CHD1L: variants seen among roughly 807,000 people sequenced by gnomAD.
The protein encoded by CHD1L is ATP-dependent chromatin remodeler CHD1L.
In CHD1L, 118 loss-of-function variants were observed where a neutral mutation model predicts 115.9. The ratio of observed to expected loss-of-function variants is 1.02; its 90% CI spans 0.88 to 1.19. The LOEUF (loss-of-function observed/expected upper bound fraction) is 1.19, where lower values mean the gene tolerates loss of function less well. CHD1L is among the 50% of genes most tolerant of loss of function. The probability of loss-of-function intolerance (pLI) is 0.00; values close to 1 mark genes in which losing one functional copy is unlikely to be tolerated. For synonymous variants in CHD1L, 411 were observed against 387.1 expected (o/e 1.06, Z -0.72); for missense variants, 1,179 against 1,065.3 (o/e 1.11, Z -1.49).
At chr1:147,228,977 G>T in the CHD1L span, among the ~76,000 whole-genome samples, 1 of 152,106 alleles carries the variant, frequency 6.6e-6, no homozygotes, top group African/African-American at 2.4e-5. Context: ...CACTCTGATG[G>T]TAGTTTCTTT....
chr1:147,191,405 G>A, the CHD1L span, among the ~76,000 whole-genome samples: 189 of 152,186 alleles, frequency 1.2e-3, no homozygotes, highest in African/African-American at 4.5e-3. Context: ...ATCCCATTGT[G>A]GTTTTGATTT....
chr1:147,228,476 G>A, the CHD1L span, among the ~76,000 whole-genome samples: 1 of 152,274 alleles, frequency 6.6e-6, no homozygotes, highest in African/African-American at 2.4e-5. Flanking sequence ...ACTTACATGT[G>A]TATATGTCTT....
chr1:147,266,020 AGTG>A lies in CHD1L; in HGVS notation c.829_831del (p.Val277del). 1.9e-6 allele frequency: 3 copies of A among 1,613,934 alleles called. No homozygotes were observed. The highest frequency in any genetic ancestry group is 2.5e-6 in the Non-Finnish European group (3 of 1,179,848). On this transcript the variant is annotated inframe_deletion, in exon 8 of 23. Transcript: ENST00000369258. ...CAGAGCTTCCCAAGAAGACAGAAGT[AGTG>A]ATATACCATGGCATGTCAGCATTGC...
intron 22 of CHD1L, 150 bp from the exon 23 acceptor site, chr1:147,295,281 G>C: frequency 1.6e-6 from 1 of 638,792 alleles, no homozygotes; most frequent in Non-Finnish European, 2.7e-6. Flanking sequence ...GCAGCAATAA[G>C]TACTAATATT....
At chr1:147,174,011 C>G in the CHD1L span, among the ~76,000 whole-genome samples, 1 of 152,208 alleles carries the variant, frequency 6.6e-6, no homozygotes, top group African/African-American at 2.4e-5. Flanking sequence ...GTTACATAGG[C>G]CACCCTTTCT....
chr1:147,261,413 T>TTTA (rs375382138), intron 6 of CHD1L, among the ~76,000 whole-genome samples: 16,338 of 92,604 alleles, frequency 0.18, 1,573 homozygotes, highest in African/African-American at 0.31. Context: ...TTTTTTTTTT[T>TTTA]ATATATAAAG....
the CHD1L span, among the ~76,000 whole-genome samples, chr1:147,195,714 T>C: frequency 6.6e-6 from 1 of 152,150 alleles, no homozygotes; most frequent in Non-Finnish European, 1.5e-5. Flanking sequence ...CTATGCCATG[T>C]AGAAGATTTT....
chr1:147,175,949 TGG>T, the CHD1L span: 1 of 98,798 alleles, frequency 1.0e-5, no homozygotes, highest in East Asian at 3.7e-4. Flanking sequence ...TGCCAGGACT[TGG>T]GGGTGGGGGG....
the CHD1L span, among the ~76,000 whole-genome samples, chr1:147,194,708 C>G: frequency 9.9e-5 from 15 of 151,984 alleles, no homozygotes; most frequent in African/African-American, 2.4e-4. Flanking sequence ...GCCTGGTGGT[C>G]ACAAAATCTC....
chr1:147,265,185 A>AGTAT (rs1215814633), intron 7 of CHD1L, among the ~76,000 whole-genome samples: 30 of 152,146 alleles, frequency 2.0e-4, no homozygotes, highest in Non-Finnish European at 1.2e-4. Flanking sequence ...GTGTTGGGTA[A>AGTAT]GTATGAGTTT....
chr1:147,277,500 G>A (rs1243998238), intron 14 of CHD1L, among the ~76,000 whole-genome samples: 1 of 152,124 alleles, frequency 6.6e-6, no homozygotes, highest in Non-Finnish European at 1.5e-5. Context: ...AAAGGCTCAA[G>A]GTTTTATTAA....
chr1:147,215,142 C>T, the CHD1L span: 1 of 152,110 alleles, frequency 6.6e-6, no homozygotes, highest in East Asian at 1.9e-4. Context: ...CAGAAGTGAT[C>T]TGGTACAATC....
intron 12 of CHD1L, 80 bp downstream of exon 12, chr1:147,272,361 T>A: frequency 2.0e-6 from 2 of 978,010 alleles, no homozygotes; most frequent in Non-Finnish European, 3.2e-6. Context: ...TAGTACACTT[T>A]TTTCCTTAAT....
intron 12 of CHD1L, among the ~76,000 whole-genome samples, chr1:147,272,793 T>C (rs1258376997): frequency 6.6e-6 from 1 of 152,068 alleles, no homozygotes; most frequent in Non-Finnish European, 1.5e-5. Context: ...ATCGTGAATA[T>C]TACGACATTT....
In CHD1L at chr1:147,242,746, G is replaced by A. The variant is rs1665113158; in HGVS notation, c.43G>A (p.Gly15Ser). 7 of 1,263,950 alleles carry A rather than the reference G, an allele frequency of 5.5e-6. No homozygotes were observed. Among genetic ancestry groups the A allele is most frequent in the Non-Finnish European group, 7.0e-6 (7 of 997,958 alleles). 78.3% of individuals were successfully genotyped at this position (1,263,950 alleles called of 1,614,324 possible). A position where few individuals can be genotyped will look rare whatever the true frequency, so the allele number is the denominator to read the frequency against. ...TACTAGCCGCGGGGGCCAAGCCCCT[G>A]GCTTCTTACTGCGGCTTCATACTGA... is the stretch of plus-strand genomic sequence containing the variant. ...GATSRGGQAP[G>S]FLLRLHTEGR... The change falls in exon 1 of 23, where the codon GGC becomes AGC. Residue 15 changes from glycine to serine, a missense_variant. Coordinates refer to ENST00000369258, the MANE Select transcript of CHD1L (RefSeq NM_004284.6).
chr1:147,178,408 G>A, the CHD1L span: 5 of 1,611,398 alleles, frequency 3.1e-6, no homozygotes, highest in Admixed American at 8.3e-5. Flanking sequence ...TGGAGTCAGT[G>A]GATATCCAAC....
At chr1:147,294,569 G>T (rs782762309) in intron 22 of CHD1L, 52 bp downstream of exon 22, 6 of 1,432,290 alleles carry the variant, frequency 4.2e-6, no homozygotes, top group Admixed American at 1.9e-5. Flanking sequence ...GAGGGAAAAT[G>T]TGTTCATTTT....
At chr1:147,191,458 A>G in the CHD1L span, among the ~76,000 whole-genome samples, 3 of 151,874 alleles carry the variant, frequency 2.0e-5, no homozygotes, top group Admixed American at 6.6e-5. Flanking sequence ...TTTTTCATGT[A>G]TTTTTTGGCT....
Position 147,286,343 on chromosome 1 carries a change from C to T in CHD1L, c.2064C>T (p.Pro688=). The change falls in exon 18 of 23, where the codon CCC becomes CCT. Residue 688 remains proline (P), a synonymous_variant. Transcript: ENST00000369258. ...ESNNYQSFCL[P]SEESEPEDLE... ...ACAATTACCAGTCCTTCTGCCTGCC[C>T]TCTGAGGAGAGCGAGCCAGAGGACC... is the stretch of plus-strand genomic sequence containing the variant. 6.2e-7 allele frequency: 1 copy of T among 1,614,144 alleles called. No individual in the cohort carries two copies. The highest frequency in any genetic ancestry group is 8.5e-7 in the Non-Finnish European group (1 of 1,180,026).
Sources: gnomAD v4.1 joint callset for allele counts (sites outside exome capture counted in the v4.1 genomes callset) on GRCh38, gnomAD v4.1.1 for gene constraint, MANE v1.5 for transcripts, NCBI Gene and HGNC (gene_info 2026-07-23, HGNC 2026-07-21) for gene names.